The following CBLN2 variants were observed in gnomAD, a reference collection of about 807,000 sequenced individuals.
CBLN2 encodes the protein cerebellin 2 precursor, also known as cerebellin-2.
CBLN2 carries 7 observed loss-of-function variants against 15.0 expected under a neutral mutation model. The observed-to-expected ratio is 0.47, with a 90% CI of 0.27 to 0.88. The LOEUF (loss-of-function observed/expected upper bound fraction) is 0.88, where lower values mean the gene tolerates loss of function less well. CBLN2 is among the 40% of genes least tolerant of loss of function. The pLI is 0.14. For missense variants in CBLN2, 242 were observed against 304.5 expected, an observed-to-expected ratio of 0.79 and a Z score of 1.53; for synonymous variants, 149 against 135.2, an observed-to-expected ratio of 1.10 and a Z score of -0.71.
chr18:72,595,263 T>C (rs1348648135), intron 1 of CBLN2, among the ~76,000 whole-genome samples: 1 of 152,112 alleles, frequency 6.6e-6, no homozygotes, highest in African/African-American at 2.4e-5. Context: ...TTTTTAAATT[T>C]CTGTCTTAAT....
chr18:72,559,196 G>A (rs2069244912), intron 1 of CBLN2, among the ~76,000 whole-genome samples: 1 of 152,214 alleles, frequency 6.6e-6, no homozygotes, highest in Non-Finnish European at 1.5e-5. Context: ...CGGGTCTCAG[G>A]CAGCAATGCA....
intron 1 of CBLN2, among the ~76,000 whole-genome samples, chr18:72,560,158 G>A (rs1000256704): frequency 3.3e-5 from 5 of 152,168 alleles, no homozygotes; most frequent in Admixed American, 3.3e-4. Context: ...CAAGGGCTGT[G>A]TCTACACAGA....
chr18:72,620,548 G>A (rs967331763), intron 1 of CBLN2: 7 of 152,210 alleles, frequency 4.6e-5, no homozygotes, highest in Non-Finnish European at 8.8e-5. Flanking sequence ...CTCTCTGACT[G>A]AGTCTGGGGT....
intron 1 of CBLN2, among the ~76,000 whole-genome samples, chr18:72,616,051 C>T (rs2069659354): frequency 6.6e-6 from 1 of 152,156 alleles, no homozygotes; most frequent in African/African-American, 2.4e-5. Context: ...CCTCTTGTTT[C>T]AAACACTACT....
chr18:72,563,836 C>A (rs1467165856), intron 1 of CBLN2, among the ~76,000 whole-genome samples: 1 of 152,186 alleles, frequency 6.6e-6, no homozygotes, highest in Non-Finnish European at 1.5e-5. Context: ...CATACAAACC[C>A]AGCAACTCAC....
chr18:72,615,959 C>A (rs1411545967), intron 1 of CBLN2, among the ~76,000 whole-genome samples: 4 of 152,228 alleles, frequency 2.6e-5, no homozygotes, highest in African/African-American at 9.6e-5. Context: ...TATGAATTAA[C>A]CTTCAATTCT....
At chr18:72,627,611 G>A (rs1019526609) in intron 1 of CBLN2, among the ~76,000 whole-genome samples, 3 of 152,212 alleles carry the variant, frequency 2.0e-5, no homozygotes, top group African/African-American at 7.2e-5. Context: ...CCATGAGGCC[G>A]AGGGGCAGAT....
At chr18:72,606,911 G>A (rs886782964) in intron 1 of CBLN2, among the ~76,000 whole-genome samples, 1 of 152,240 alleles carries the variant, frequency 6.6e-6, no homozygotes, top group African/African-American at 2.4e-5. Flanking sequence ...CATGCACACA[G>A]TATGTCTCCC....
At chr18:72,589,736 C>T (rs903565965) in intron 1 of CBLN2, among the ~76,000 whole-genome samples, 2 of 152,182 alleles carry the variant, frequency 1.3e-5, no homozygotes, top group African/African-American at 2.4e-5. Context: ...GAAACCATGT[C>T]TGAGAAAATT....
At chr18:72,549,706 C>T (rs2069180002) in intron 1 of CBLN2, among the ~76,000 whole-genome samples, 1 of 152,076 alleles carries the variant, frequency 6.6e-6, no homozygotes. Flanking sequence ...CCAATTTGGG[C>T]AAGACAAATG....
At chr18:72,601,114 C>A (rs926294664) in intron 1 of CBLN2, among the ~76,000 whole-genome samples, 1 of 152,140 alleles carries the variant, frequency 6.6e-6, no homozygotes, top group African/African-American at 2.4e-5. Flanking sequence ...ATAATCCGAA[C>A]CTTGTGGCTT....
At chr18:72,615,420 C>T (rs1599024411) in intron 1 of CBLN2, among the ~76,000 whole-genome samples, 1 of 150,856 alleles carries the variant, frequency 6.6e-6, no homozygotes, top group Non-Finnish European at 1.5e-5. Flanking sequence ...GGGATTACAG[C>T]CATGCGCCAC....
At chr18:72,601,035 C>A (rs976690339) in intron 1 of CBLN2, among the ~76,000 whole-genome samples, 1 of 152,162 alleles carries the variant, frequency 6.6e-6, no homozygotes, top group African/African-American at 2.4e-5. Flanking sequence ...TCACGTATCT[C>A]GTGACCTCTG....
At chr18:72,546,967 T>C (rs1000654314), upstream of CBLN2, among the ~76,000 whole-genome samples, 1 of 152,150 alleles carries the variant, frequency 6.6e-6, no homozygotes, top group African/African-American at 2.4e-5. Context: ...TCAATTCCAC[T>C]ACTGAGTATC....
intron 1 of CBLN2, among the ~76,000 whole-genome samples, chr18:72,623,511 G>A (rs1347012): frequency 0.83 from 126,825 of 152,002 alleles, 55,865 homozygotes; most frequent in Non-Finnish European, 0.97. Context: ...CGAGCTGTCC[G>A]TATCCCTTAC....
At chr18:72,592,726 C>A (rs2069487882) in intron 1 of CBLN2, among the ~76,000 whole-genome samples, 1 of 152,054 alleles carries the variant, frequency 6.6e-6, no homozygotes, top group Non-Finnish European at 1.5e-5. Flanking sequence ...TCCAGTTTCC[C>A]CAGCACCATT....
intron 1 of CBLN2, among the ~76,000 whole-genome samples, chr18:72,550,344 C>T (rs776044601): frequency 2.0e-5 from 3 of 152,184 alleles, no homozygotes; most frequent in Non-Finnish European, 4.4e-5. Flanking sequence ...ATTGCACCAT[C>T]ATTTCTCTTG....
At chr18:72,624,752 A>C (rs1159474382) in intron 1 of CBLN2, among the ~76,000 whole-genome samples, 4 of 152,222 alleles carry the variant, frequency 2.6e-5, no homozygotes, top group African/African-American at 9.6e-5. Flanking sequence ...TTTTCCTTAC[A>C]TAATTATGTG....
intron 1 of CBLN2, among the ~76,000 whole-genome samples, chr18:72,563,247 A>G (rs1440702780): frequency 6.6e-6 from 1 of 152,236 alleles, no homozygotes; most frequent in East Asian, 1.9e-4. Context: ...TTACAATTAA[A>G]TTTAAAAAAT....
Sources: allele counts gnomAD v4.1 joint callset (sites outside exome capture counted in the v4.1 genomes callset), GRCh38; gene constraint gnomAD v4.1.1; transcripts MANE v1.5; gene names NCBI Gene and HGNC (gene_info 2026-07-23, HGNC 2026-07-21).